The following SLC25A20 variants were observed in gnomAD, a reference collection of about 807,000 sequenced individuals.
The protein encoded by SLC25A20 is mitochondrial carnitine/acylcarnitine carrier protein.
A neutral mutation model predicts 39.7 loss-of-function variants in SLC25A20; 29 were observed. That is an observed-to-expected ratio of 0.73 (90% CI 0.54 to 1.00). The LOEUF (loss-of-function observed/expected upper bound fraction) is 1.00. Among genes scored for constraint, SLC25A20 ranks in the 50% least tolerant of loss-of-function variants. SLC25A20 has a pLI of 0.00. For synonymous variants in SLC25A20, 103 were observed against 142.2 expected (o/e 0.72, Z 1.96); for missense variants, 333 against 379.9 (o/e 0.88, Z 1.03).
intron 7 of SLC25A20, 143 bp downstream of exon 7, chr3:48,858,949 G>C: frequency 1.4e-6 from 1 of 729,846 alleles, no homozygotes; most frequent in Non-Finnish European, 2.4e-6. Context: ...GCAAATGACT[G>C]TGAGGGAGAA....
intron 1 of SLC25A20, among the ~76,000 whole-genome samples, chr3:48,895,137 T>C (rs924620422): frequency 6.6e-6 from 1 of 152,228 alleles, no homozygotes; most frequent in African/African-American, 2.4e-5. Flanking sequence ...GCCTCCCAAG[T>C]AGCTGGGATT....
At chr3:48,887,819 C>G (rs1441066442) in intron 2 of SLC25A20, among the ~76,000 whole-genome samples, 15 of 151,708 alleles carry the variant, frequency 9.9e-5, no homozygotes, top group Admixed American at 9.2e-4. Context: ...GGGAGAATTG[C>G]TTGAACCCGG....
intron 1 of SLC25A20, among the ~76,000 whole-genome samples, chr3:48,897,058 CT>C (rs1444483193): frequency 1.4e-5 from 2 of 143,234 alleles, no homozygotes; most frequent in Non-Finnish European, 1.5e-5. Context: ...TCTTGGACTT[CT>C]TTTTTTTCTT....
chr3:48,877,381 A>T (rs2083766521), intron 4 of SLC25A20, among the ~76,000 whole-genome samples: 1 of 151,292 alleles, frequency 6.6e-6, no homozygotes, highest in East Asian at 2.0e-4. Context: ...CAATGGCGCC[A>T]CTGCACTCCA....
At chr3:48,887,466 C>A (rs2083837931) in intron 2 of SLC25A20, among the ~76,000 whole-genome samples, 1 of 152,298 alleles carries the variant, frequency 6.6e-6, no homozygotes, top group Middle Eastern at 3.4e-3. Flanking sequence ...TGTTCAATAA[C>A]GTCTAATGAC....
chr3:48,872,568 T>G (rs1385625477), intron 4 of SLC25A20, among the ~76,000 whole-genome samples: 1 of 151,142 alleles, frequency 6.6e-6, no homozygotes, highest in Non-Finnish European at 1.5e-5. Context: ...ATACAAAAAT[T>G]GGTCAGGCGT....
At chr3:48,878,480 C>T (rs1178576171) in intron 4 of SLC25A20, among the ~76,000 whole-genome samples, 1 of 151,202 alleles carries the variant, frequency 6.6e-6, no homozygotes, top group East Asian at 2.0e-4. Context: ...ACCACAGATG[C>T]ACACCACCAA....
intron 1 of SLC25A20, among the ~76,000 whole-genome samples, chr3:48,892,273 G>A (rs190536486): frequency 1.3e-5 from 2 of 152,204 alleles, no homozygotes; most frequent in South Asian, 2.1e-4. Flanking sequence ...ATATCCCATC[G>A]TATGAATAAA....
At chr3:48,860,704 C>T (rs1432324671) in intron 5 of SLC25A20, among the ~76,000 whole-genome samples, 1 of 151,804 alleles carries the variant, frequency 6.6e-6, no homozygotes, top group Admixed American at 6.6e-5. Context: ...ACAGGAATCA[C>T]TCGAACCCAG....
intron 1 of SLC25A20, chr3:48,895,928 C>T (rs2083907038): frequency 8.6e-6 from 3 of 350,584 alleles, no homozygotes; most frequent in South Asian, 2.1e-5. Flanking sequence ...TCACTTGAGG[C>T]CACGAGTTTG....
intron 2 of SLC25A20, among the ~76,000 whole-genome samples, chr3:48,890,133 C>A (rs2083862361): frequency 6.6e-6 from 1 of 152,158 alleles, no homozygotes; most frequent in Non-Finnish European, 1.5e-5. Flanking sequence ...AGGCCTAAAC[C>A]CCTCCCTGTG....
intron 5 of SLC25A20, 107 bp downstream of exon 5, chr3:48,862,435 C>G: frequency 1.3e-6 from 1 of 775,076 alleles, no homozygotes; most frequent in East Asian, 2.4e-5. Context: ...AGAGATGTGA[C>G]ATGCATGGTG....
rs1327726845 is a variant in SLC25A20, at chr3:48,859,121, G to C, written c.689C>G (p.Pro230Arg). The C allele has an allele frequency of 1.2e-6, 2 of 1,613,634 alleles. No homozygotes were observed. The highest frequency in any genetic ancestry group is 1.7e-5 in the Admixed American group (1 of 59,980). The change falls in exon 7 of 9, where the codon CCA becomes CGA. Residue 230 changes from proline to arginine, a missense_variant. Pro to Arg is a moderately radical substitution (Grantham distance 103). Coordinates refer to ENST00000319017, the MANE Select transcript of SLC25A20 (RefSeq NM_000387.6). ...CTGGAATCGAGACTTGAGCACATCT[G>C]GGGGGATTGCCACAGCCCAGTTGAA... ...GIFNWAVAIP[P>R]DVLKSRFQTA...
intron 4 of SLC25A20, among the ~76,000 whole-genome samples, chr3:48,871,276 A>G (rs2083712467): frequency 6.6e-6 from 1 of 152,042 alleles, no homozygotes; most frequent in Non-Finnish European, 1.5e-5. Context: ...TAAATTTTCT[A>G]AATTATCCTA....
At chr3:48,891,529 G>A (rs974819918) in intron 2 of SLC25A20, among the ~76,000 whole-genome samples, 2 of 151,950 alleles carry the variant, frequency 1.3e-5, no homozygotes, top group African/African-American at 4.8e-5. Flanking sequence ...GCGCTACCAT[G>A]CCCCTCTAAT....
At chr3:48,865,617 G>T (rs991289507) in intron 4 of SLC25A20, among the ~76,000 whole-genome samples, 3 of 113,918 alleles carry the variant, frequency 2.6e-5, no homozygotes, top group Non-Finnish European at 5.4e-5. Flanking sequence ...AAAAAAAAAA[G>T]TCCCCCAAAA....
chr3:48,884,538 C>T (rs1009951862), intron 2 of SLC25A20, among the ~76,000 whole-genome samples: 2 of 151,966 alleles, frequency 1.3e-5, no homozygotes, highest in East Asian at 1.9e-4. Flanking sequence ...TTTGTAGAGA[C>T]AGGGTTTTGC....
chr3:48,887,857 C>T (rs1437574006), intron 2 of SLC25A20, among the ~76,000 whole-genome samples: 1 of 151,032 alleles, frequency 6.6e-6, no homozygotes, highest in East Asian at 1.9e-4. Context: ...GGGCTGAGAT[C>T]GTGCCACTGC....
intron 3 of SLC25A20, among the ~76,000 whole-genome samples, chr3:48,883,497 G>A (rs1375116527): frequency 6.7e-6 from 1 of 149,940 alleles, no homozygotes; most frequent in Non-Finnish European, 1.5e-5. Context: ...GTTGCAGTGA[G>A]CCGAGATTGT....
Sources: gnomAD v4.1 joint callset for allele counts (sites outside exome capture counted in the v4.1 genomes callset) on GRCh38, gnomAD v4.1.1 for gene constraint, MANE v1.5 for transcripts, NCBI Gene and HGNC (gene_info 2026-07-23, HGNC 2026-07-21) for gene names.